Variants in CERS6 observed in about 807,000 individuals in gnomAD.
CERS6 encodes the protein ceramide synthase 6.
Under a neutral mutation model 56.8 loss-of-function variants are expected in CERS6, and 26 were observed. The ratio of observed to expected loss-of-function variants is 0.46; its 90% CI spans 0.34 to 0.63. The LOEUF is 0.63. Ranked by LOEUF, CERS6 falls within the 30% of genes least tolerant of loss-of-function variation. CERS6 has a pLI of 0.01. For synonymous variants in CERS6, 164 were observed against 173.3 expected, an observed-to-expected ratio of 0.95 and a Z score of 0.42; for missense variants, 415 against 467.5, an observed-to-expected ratio of 0.89 and a Z score of 1.04.
chr2:168,563,958 A>G (rs1695838700), intron 3 of CERS6, among the ~76,000 whole-genome samples: 1 of 152,128 alleles, frequency 6.6e-6, no homozygotes, highest in South Asian at 2.1e-4. Flanking sequence ...TGTATGATAT[A>G]GTATTGATGA....
rs1291142001 is a variant in CERS6 at position 168,761,263 on chromosome 2, A to G, written c.846-4329A>G. Among the ~76,000 whole-genome samples, 3 of 152,202 alleles carry G rather than the reference A, an allele frequency of 2.0e-5. 1 individual carries two copies. In the East Asian group the frequency reaches 5.8e-4, roughly 29 times the overall value. ...ACTTTTGAGCAGCATCTCAAAAGTAATCAGAGGTGCCACTGATTGTCATGG... is the reference window on the plus strand; with the variant it reads ...ACTTTTGAGCAGCATCTCAAAAGTAGTCAGAGGTGCCACTGATTGTCATGG... On this transcript the variant is annotated intron_variant, in intron 8 of 9. Transcript: ENST00000305747.
chr2:168,565,403 C>T (rs1302034782), intron 3 of CERS6, among the ~76,000 whole-genome samples: 1 of 152,040 alleles, frequency 6.6e-6, no homozygotes, highest in Non-Finnish European at 1.5e-5. Context: ...GACACACATC[C>T]CTGGTTAAGA....
intron 8 of CERS6, among the ~76,000 whole-genome samples, chr2:168,759,413 GGTTAA>G (rs1429886310): frequency 3.9e-5 from 6 of 152,178 alleles, no homozygotes; most frequent in African/African-American, 1.4e-4. Context: ...GCCATCTAGT[GGTTAA>G]GTGAGCCTAA....
intron 4 of CERS6, among the ~76,000 whole-genome samples, chr2:168,642,478 G>A (rs1191193251): frequency 1.3e-5 from 2 of 152,156 alleles, no homozygotes; most frequent in Non-Finnish European, 1.5e-5. Flanking sequence ...TGTGTGATCT[G>A]GTTAGTGAAG....
intron 1 of CERS6, among the ~76,000 whole-genome samples, chr2:168,535,669 GTTTTT>G (rs59139047): frequency 1.6e-4 from 19 of 115,592 alleles, no homozygotes; most frequent in Admixed American, 7.3e-4. Flanking sequence ...TTTGATACCA[GTTTTT>G]TTTTTTTTTT....
At chr2:168,542,696 T>G (rs943861263) in intron 1 of CERS6, among the ~76,000 whole-genome samples, 1 of 61,234 alleles carries the variant, frequency 1.6e-5, no homozygotes, top group Non-Finnish European at 4.9e-5. Flanking sequence ...TTCTTTTTTT[T>G]GGGGGGTGTT....
chr2:168,469,328 C>G (rs1693937014), intron 1 of CERS6, among the ~76,000 whole-genome samples: 1 of 152,104 alleles, frequency 6.6e-6, no homozygotes, highest in Non-Finnish European at 1.5e-5. Flanking sequence ...ATTTAACAAA[C>G]CTGCTCATTT....
chr2:168,638,341 A>G (rs183916555), intron 4 of CERS6, among the ~76,000 whole-genome samples: 4 of 152,220 alleles, frequency 2.6e-5, no homozygotes, highest in Admixed American at 1.3e-4. Context: ...TCTATATACT[A>G]TTCACATTAA....
chr2:168,507,003 T>C (rs1694689985), intron 1 of CERS6, among the ~76,000 whole-genome samples: 1 of 152,170 alleles, frequency 6.6e-6, no homozygotes, highest in Admixed American at 6.6e-5. Context: ...TCCCCAGTTA[T>C]CAACATTTTA....
intron 3 of CERS6, among the ~76,000 whole-genome samples, chr2:168,592,790 A>G (rs998271437): frequency 2.0e-5 from 3 of 152,200 alleles, no homozygotes; most frequent in African/African-American, 7.2e-5. Context: ...TAACAGCTTC[A>G]TGAAAGTGGC....
chr2:168,707,174 C>A (rs1686978200), intron 6 of CERS6, among the ~76,000 whole-genome samples: 2 of 152,190 alleles, frequency 1.3e-5, no homozygotes, highest in Admixed American at 1.3e-4. Context: ...AATTCAACAT[C>A]TTTAAACCAA....
intron 1 of CERS6, among the ~76,000 whole-genome samples, chr2:168,486,946 A>G (rs190199987): frequency 4.6e-5 from 7 of 151,254 alleles, no homozygotes; most frequent in Non-Finnish European, 3.0e-5. Context: ...TAAATTCCAT[A>G]TAGTCCACTT....
chr2:168,470,110 G>T (rs1409349469), intron 1 of CERS6, among the ~76,000 whole-genome samples: 4 of 150,914 alleles, frequency 2.7e-5, no homozygotes. Flanking sequence ...CTGAGGTCAG[G>T]ACAGTAACTC....
At position 168,570,230 on chromosome 2, in the gene CERS6, A is replaced by T. The variant is rs182613301; in HGVS notation, c.407+8908A>T. Among the ~76,000 whole-genome samples the T allele has an allele frequency of 2.0e-3, 297 of 152,282 alleles. 5 individuals are homozygous for T. The highest frequency in any genetic ancestry group is 0.019 in the Admixed American group (291 of 15,298). On this transcript the variant is annotated intron_variant, in intron 3 of 9. Coordinates refer to ENST00000305747, the MANE Select transcript of CERS6 (RefSeq NM_203463.3). ...TCACAGGACTATCAACTTGGGCATT[A>T]CTCACGCACAAGAAAAAGATGAAAA... is the stretch of plus-strand genomic sequence containing the variant.
At chr2:168,537,026 C>T (rs1163241703) in intron 1 of CERS6, among the ~76,000 whole-genome samples, 6 of 152,150 alleles carry the variant, frequency 3.9e-5, no homozygotes, top group Non-Finnish European at 8.8e-5. Flanking sequence ...TTCTCTTTCA[C>T]CACAAGATTA....
At chr2:168,559,271 G>A (rs1294287251) in intron 2 of CERS6, among the ~76,000 whole-genome samples, 1 of 151,938 alleles carries the variant, frequency 6.6e-6, no homozygotes, top group East Asian at 1.9e-4. Flanking sequence ...AGTACATTTT[G>A]TACCCTACAG....
At chr2:168,641,455 A>G (rs1685043215) in intron 4 of CERS6, among the ~76,000 whole-genome samples, 1 of 152,134 alleles carries the variant, frequency 6.6e-6, no homozygotes, top group South Asian at 2.1e-4. Flanking sequence ...ACTGCCCCAC[A>G]TATTCCTGTC....
intron 2 of CERS6, among the ~76,000 whole-genome samples, chr2:168,551,182 C>T (rs1374570400): frequency 6.6e-6 from 1 of 152,160 alleles, no homozygotes; most frequent in East Asian, 1.9e-4. Flanking sequence ...AGGTCACATG[C>T]CCTATCTGGT....
At chr2:168,758,824 CATT>C (rs1329201323) in intron 8 of CERS6, among the ~76,000 whole-genome samples, 4 of 152,150 alleles carry the variant, frequency 2.6e-5, no homozygotes, top group African/African-American at 7.2e-5. Flanking sequence ...CGCTCTGTGA[CATT>C]ATGAGACTGC....
Sources: allele counts gnomAD v4.1 joint callset (sites outside exome capture counted in the v4.1 genomes callset), GRCh38; gene constraint gnomAD v4.1.1; transcripts MANE v1.5; gene names NCBI Gene and HGNC (gene_info 2026-07-23, HGNC 2026-07-21).